WDR45: variants seen among roughly 807,000 people sequenced by gnomAD.
WDR45 encodes WD repeat domain 45.
In WDR45, 2 loss-of-function variants were observed where a neutral mutation model predicts 27.3. That is an observed-to-expected ratio of 0.07 (90% CI 0.03 to 0.23). The LOEUF is 0.23. Ranked by LOEUF, WDR45 falls within the 10% of genes least tolerant of loss-of-function variation. The pLI is 1.00. For missense variants in WDR45, 175 were observed against 311.9 expected (o/e 0.56, Z 3.31); for synonymous variants, 99 against 119.2 (o/e 0.83, Z 1.11).
chrX:49,095,072 G>A (rs1043628712), intron 2 of WDR45, among the ~76,000 whole-genome samples: 1 of 109,517 alleles, frequency 9.1e-6, no homozygotes, highest in African/African-American at 3.3e-5. Context: ...ATAGGCATGA[G>A]CCACCGAGCC....
chrX:49,077,677 G>A lies in WDR45; in HGVS notation c.201C>T (p.Gly67=), dbSNP rs1557084463. 4 of 1,200,806 alleles carry A rather than the reference G, an allele frequency of 3.3e-6. No homozygotes were observed. The highest frequency in any genetic ancestry group is 3.4e-6 in the Non-Finnish European group (3 of 890,055). Residue 67 remains glycine (G), a synonymous_variant, in exon 4 of 11, where the codon GGC becomes GGT. Coordinates refer to ENST00000376372, the MANE Select transcript of WDR45 (RefSeq NM_001029896.2). The part of the protein sequence containing the change: ...LHRSNLLALV[G]GGSSPKFSEI... ...CTGAGAACTTGGGACTACTACCACC[G>A]CCCACCAAGGCCAGAAGGTTGGAGC...
chrX:49,074,916 G>C lies in WDR45; in HGVS notation c.974-4C>G. 8.4e-7 allele frequency: 1 copy of C among 1,192,043 alleles called. No individual in the cohort carries two copies. Among genetic ancestry groups the C allele is most frequent in the Non-Finnish European group, 1.1e-6 (1 of 877,375 alleles). Reference sequence around the variant, plus strand: ...AAGGTCCCATCTACGCAGATGGCTGGGGGAGGGGGGGTGGTAAAAGGTCAG... The same window carrying C: ...AAGGTCCCATCTACGCAGATGGCTGCGGGAGGGGGGGTGGTAAAAGGTCAG... On this transcript the variant is annotated splice_polypyrimidine_tract_variant and splice_region_variant and intron_variant, in intron 10 of 10. Transcript: ENST00000376372.
intron 1 of WDR45, among the ~76,000 whole-genome samples, chrX:49,078,385 G>C (rs1213765189): frequency 8.9e-6 from 1 of 112,218 alleles, no homozygotes; most frequent in Non-Finnish European, 1.9e-5. Flanking sequence ...AGCCGGGTGT[G>C]GTGGGGGGCA....
At chrX:49,078,995 C>G (rs1357851713) in intron 1 of WDR45, 1 of 111,615 alleles carries the variant, frequency 9.0e-6, no homozygotes, top group Non-Finnish European at 1.9e-5. Flanking sequence ...TCACACCTTT[C>G]CCCCTCAACC....
intron 2 of WDR45, among the ~76,000 whole-genome samples, chrX:49,097,662 ATT>A (rs145129060): frequency 1.1e-5 from 1 of 94,320 alleles, no homozygotes. Context: ...TATTATTATT[ATT>A]TTTTTTTTTG....
intron 2 of WDR45, among the ~76,000 whole-genome samples, chrX:49,094,470 GA>G (rs1226095388): frequency 9.1e-6 from 1 of 110,155 alleles, no homozygotes; most frequent in Non-Finnish European, 1.9e-5. Flanking sequence ...CTGTCTCAAA[GA>G]AAAAAAATTT....
At chrX:49,088,036 G>A (rs900313907) in intron 2 of WDR45, among the ~76,000 whole-genome samples, 2 of 112,424 alleles carry the variant, frequency 1.8e-5, no homozygotes, top group African/African-American at 3.2e-5. Flanking sequence ...TCTATGAAAA[G>A]TTCTGACACA....
rs782784533 is a variant in WDR45, at chrX:49,074,887, G to A, written c.999C>T (p.His333=). The part of the protein sequence containing the change: ...VIAICVDGTF[H]KYVFTPDGNC... ...TTCCATCAGGAGTGAAGACATATTT[G>A]TGGAAGGTCCCATCTACGCAGATGG... The change falls in exon 11 of 11, where the codon CAC becomes CAT. Residue 333 remains histidine, a synonymous_variant. Coordinates refer to ENST00000376372, the MANE Select transcript of WDR45 (RefSeq NM_001029896.2). The A allele has an allele frequency of 8.3e-7, 1 of 1,210,991 alleles. No homozygotes were observed. The highest frequency in any genetic ancestry group is 3.0e-5 in the East Asian group (1 of 33,868).
rs782767218 is a variant in WDR45, at chrX:49,088,456, G to C, written c.-17-10344C>G. Among the ~76,000 whole-genome samples, 3 of 111,672 alleles carry C rather than the reference G, an allele frequency of 2.7e-5. No homozygotes were observed. In the South Asian group the frequency reaches 1.1e-3, roughly 42 times the overall value. On this transcript the variant is annotated intron_variant, in intron 2 of 11. Coordinates refer to the WDR45 transcript ENST00000356463. ...CCAAGAAGGCCTTAAGCTCTTATTT[G>C]TGGGGGACCTTCAGGCTTTGGGCAA...
At chrX:49,098,193 C>T (rs2065132775) in intron 2 of WDR45, among the ~76,000 whole-genome samples, 1 of 110,659 alleles carries the variant, frequency 9.0e-6, no homozygotes, top group African/African-American at 3.3e-5. Flanking sequence ...CAAGTACTCT[C>T]TCTTTAAAAA....
intron 1 of WDR45, 65 bp downstream of exon 1, chrX:49,079,686 C>T (rs2065057849): frequency 8.9e-6 from 1 of 112,336 alleles, no homozygotes; most frequent in Admixed American, 9.4e-5. Flanking sequence ...CGCCAGCACC[C>T]ACTCAAGACC....
intron 2 of WDR45, among the ~76,000 whole-genome samples, chrX:49,092,777 T>C (rs1257122397): frequency 8.9e-6 from 1 of 111,979 alleles, no homozygotes; most frequent in Non-Finnish European, 1.9e-5. Context: ...ATCTGACATG[T>C]TGAGTACCCA....
At position 49,079,838 on chromosome X, in the gene WDR45, G is replaced by T. The variant is rs1602542249; in HGVS notation, c.-105C>A. Reference sequence around the variant, plus strand: ...CGGGCCCCAGCTGTCGGTGCCGCCCGCGGCCCGGTTTTCTGACCTCCCGGG... The same window carrying T: ...CGGGCCCCAGCTGTCGGTGCCGCCCTCGGCCCGGTTTTCTGACCTCCCGGG... On this transcript the variant is annotated 5_prime_UTR_variant, in exon 1 of 11. Transcript: ENST00000376372. The T allele has an allele frequency of 6.2e-5, 7 of 113,485 alleles. 1 individual carries two copies. Among genetic ancestry groups the T allele is most frequent in the African/African-American group, 2.2e-4 (7 of 31,356 alleles). The allele number at this position is 113,485 out of a possible 1,213,427, so 9.4% of individuals were successfully genotyped here. A position where few individuals can be genotyped will look rare whatever the true frequency, so the allele number is the denominator to read the frequency against.
chrX:49,077,524 C>A (rs988297595), intron 4 of WDR45, 119 bp downstream of exon 4: 2 of 617,943 alleles, frequency 3.2e-6, no homozygotes, highest in Non-Finnish European at 5.4e-6. Flanking sequence ...AAGCTGTAGG[C>A]CTCCTCTCTG....
At position 49,075,354 on chromosome X, in the gene WDR45, G is replaced by T; in HGVS notation, c.827+10C>A. Reference sequence around the variant, plus strand: ...ACAGGGACACGGTAGGGTGGGGAGGGGGTACTCACGCGGAGCGGCGGTTGA... The same window carrying T: ...ACAGGGACACGGTAGGGTGGGGAGGTGGTACTCACGCGGAGCGGCGGTTGA... On this transcript the variant is annotated intron_variant, in intron 9 of 10. Transcript: ENST00000376372. 1 of 1,208,241 alleles carries T rather than the reference G, an allele frequency of 8.3e-7. No homozygotes were observed. The highest frequency in any genetic ancestry group is 1.1e-6 in the Non-Finnish European group (1 of 893,437).
intron 2 of WDR45, among the ~76,000 whole-genome samples, chrX:49,091,586 A>G (rs1331216161): frequency 5.1e-5 from 5 of 98,058 alleles, no homozygotes; most frequent in East Asian, 3.3e-4. Context: ...CGTCTCTACT[A>G]AAAATACAAA....
At chrX:49,097,461 G>T (rs2065129747) in intron 2 of WDR45, among the ~76,000 whole-genome samples, 1 of 108,081 alleles carries the variant, frequency 9.3e-6, no homozygotes, top group Non-Finnish European at 1.9e-5. Flanking sequence ...CGAGTAGCTG[G>T]GACTACAGGC....
At chrX:49,083,968 A>AG (rs2065078072), upstream of WDR45, among the ~76,000 whole-genome samples, 1 of 105,918 alleles carries the variant, frequency 9.4e-6, no homozygotes, top group African/African-American at 3.4e-5. Flanking sequence ...AAAAAAAAAG[A>AG]ATAAAAATTA....
At chrX:49,091,017 G>T (rs1425562535) in intron 2 of WDR45, among the ~76,000 whole-genome samples, 2 of 110,180 alleles carry the variant, frequency 1.8e-5, no homozygotes, top group Non-Finnish European at 3.8e-5. Context: ...TAGAGGCGGG[G>T]TTTCACCGTG....
Sources: allele counts gnomAD v4.1 joint callset (sites outside exome capture counted in the v4.1 genomes callset), GRCh38; gene constraint gnomAD v4.1.1; transcripts MANE v1.5; gene names NCBI Gene and HGNC (gene_info 2026-07-23, HGNC 2026-07-21).